The following DCHS2 variants were observed in gnomAD, a reference collection of about 807,000 sequenced individuals.
The protein encoded by DCHS2 is protocadherin-23.
A neutral mutation model predicts 182.4 loss-of-function variants in DCHS2; 142 were observed. The observed-to-expected ratio is 0.78, with a 90% CI of 0.68 to 0.89. DCHS2 has a LOEUF of 0.89. Ranked by LOEUF, DCHS2 falls within the 40% of genes least tolerant of loss-of-function variation. The probability of loss-of-function intolerance (pLI) is 0.00; values close to 1 mark genes in which losing one functional copy is unlikely to be tolerated. For missense variants in DCHS2, 4,319 were observed against 4,198.6 expected (o/e 1.03, Z -0.79); for synonymous variants, 1,740 against 1,663.3 (o/e 1.05, Z -1.12).
intron 14 of DCHS2, among the ~76,000 whole-genome samples, chr4:154,263,940 A>C (rs1377787203): frequency 2.6e-5 from 4 of 152,166 alleles, no homozygotes; most frequent in Non-Finnish European, 5.9e-5. Context: ...TTGGCCAAAA[A>C]ACCACCAGAA....
At chr4:154,366,865 A>T (rs1183746554) in intron 2 of DCHS2, among the ~76,000 whole-genome samples, 1 of 152,188 alleles carries the variant, frequency 6.6e-6, no homozygotes, top group Non-Finnish European at 1.5e-5. Flanking sequence ...AGAAATCAAA[A>T]TCACTTTTAT....
rs1728721527 is a variant in DCHS2 at position 154,489,661 on chromosome 4, A to C, written c.1695T>G (p.Asp565Glu). 3 of 1,551,526 alleles carry C rather than the reference A, an allele frequency of 1.9e-6. No individual in the cohort carries two copies. The change falls in exon 1 of 20, where the codon GAT becomes GAG. Residue 565 changes from aspartate (D) to glutamate (E), a missense_variant. Asp to Glu is a conservative substitution (Grantham distance 45). Transcript: ENST00000357232. ...CGTGATCACTGCCTGCCTCGTCGGC[A>C]TCGGAGGCGCTGACCCACATGACTA... is the stretch of plus-strand genomic sequence containing the variant. ...GTVVMWVSASDADEAGSDHAW... is the reference protein window; with the variant it reads ...GTVVMWVSASEADEAGSDHAW...
chr4:154,340,774 T>C (rs1415025128), intron 3 of DCHS2, among the ~76,000 whole-genome samples: 1 of 152,232 alleles, frequency 6.6e-6, no homozygotes, highest in African/African-American at 2.4e-5. Flanking sequence ...ACATCAATTA[T>C]AGAGAGTTAT....
chr4:154,268,895 A>G (rs771087432), intron 14 of DCHS2, among the ~76,000 whole-genome samples: 30 of 152,162 alleles, frequency 2.0e-4, no homozygotes, highest in Non-Finnish European at 1.5e-5. Context: ...CCATGTTAGG[A>G]GTGCGGTGGC....
At chr4:154,251,694 C>CTT (rs1390192166) in intron 16 of DCHS2, among the ~76,000 whole-genome samples, 1 of 151,938 alleles carries the variant, frequency 6.6e-6, no homozygotes, top group Non-Finnish European at 1.5e-5. Context: ...AATTTTTGAA[C>CTT]TTTTAGTTGA....
Position 154,491,578 on chromosome 4 carries a change from C to G in DCHS2, c.-223G>C. 7.4e-7 allele frequency: 1 copy of G among 1,346,312 alleles called. No individual in the cohort carries two copies. Among genetic ancestry groups the G allele is most frequent in the Admixed American group, 3.6e-5 (1 of 28,058 alleles). The allele number at this position is 1,346,312 out of a possible 1,614,324, so 83.4% of individuals were successfully genotyped here. A position where few individuals can be genotyped will look rare whatever the true frequency, so the allele number is the denominator to read the frequency against. On this transcript the variant is annotated 5_prime_UTR_variant, in exon 1 of 20. Transcript: ENST00000357232. ...GGGAAGTAAGCTCTAGCTGCCTCTG[C>G]CGCGGCAGCCACCTCTTCTGCCCCT...
chr4:154,427,412 G>C (rs879576778), intron 1 of DCHS2, among the ~76,000 whole-genome samples: 3 of 152,216 alleles, frequency 2.0e-5, no homozygotes, highest in Non-Finnish European at 4.4e-5. Context: ...TAAGAGAAGA[G>C]CTGTTCTGTA....
chr4:154,285,879 C>G (rs555338637), intron 13 of DCHS2, among the ~76,000 whole-genome samples: 2 of 152,212 alleles, frequency 1.3e-5, no homozygotes, highest in African/African-American at 4.8e-5. Flanking sequence ...GTGAACATAG[C>G]TGGTAGCAAG....
chr4:154,337,971 C>T (rs1277525349), intron 3 of DCHS2, among the ~76,000 whole-genome samples: 9 of 152,176 alleles, frequency 5.9e-5, no homozygotes, highest in South Asian at 4.2e-4. Flanking sequence ...GAACTCCTGA[C>T]GTGATTTGCC....
At chr4:154,322,138 G>C (rs1332793017) in intron 8 of DCHS2, among the ~76,000 whole-genome samples, 193 bp downstream of exon 8, 3 of 152,152 alleles carry the variant, frequency 2.0e-5, no homozygotes, top group Non-Finnish European at 4.4e-5. Context: ...AAAATAATTT[G>C]GGTCTAAATC....
At chr4:154,335,478 G>C (rs763369317) in intron 3 of DCHS2, among the ~76,000 whole-genome samples, 1 of 152,180 alleles carries the variant, frequency 6.6e-6, no homozygotes, top group Non-Finnish European at 1.5e-5. Context: ...GCTCTTCCTA[G>C]GTCTCGAGCC....
At chr4:154,483,234 A>AG (rs1320270176) in intron 1 of DCHS2, among the ~76,000 whole-genome samples, 2 of 152,236 alleles carry the variant, frequency 1.3e-5, no homozygotes, top group African/African-American at 4.8e-5. Flanking sequence ...TAAAGCAAGG[A>AG]GGGGGGTGAT....
At chr4:154,353,069 A>G (rs1729693800) in intron 3 of DCHS2, among the ~76,000 whole-genome samples, 1 of 152,240 alleles carries the variant, frequency 6.6e-6, no homozygotes, top group Non-Finnish European at 1.5e-5. Context: ...ATTTCCTTTG[A>G]GAATTCCTAA....
At chr4:154,238,647 C>T (rs899657062) in intron 19 of DCHS2, among the ~76,000 whole-genome samples, 1 of 152,150 alleles carries the variant, frequency 6.6e-6, no homozygotes, top group Non-Finnish European at 1.5e-5. Context: ...ATCAAATAAA[C>T]CAAAACACCA....
At chr4:154,478,292 G>A (rs1467594305) in intron 1 of DCHS2, among the ~76,000 whole-genome samples, 5 of 152,096 alleles carry the variant, frequency 3.3e-5, no homozygotes, top group African/African-American at 7.2e-5. Context: ...AGAATACAGC[G>A]GGAGTTCTGC....
chr4:154,445,864 G>A lies in DCHS2; in HGVS notation c.2052+43440C>T, dbSNP rs554377405. 5.3e-5 allele frequency among the ~76,000 whole-genome samples: 8 copies of A among 150,260 alleles called. No individual in the cohort carries two copies. In the South Asian group the frequency reaches 8.4e-4, roughly 16 times the overall value. ...GTATAGGCCACCTGCCCTTCTGGTC[G>A]AGCCACCAACATCCCTCGAGTAGAA... On this transcript the variant is annotated intron_variant, in intron 1 of 19. Coordinates refer to ENST00000357232, the MANE Select transcript of DCHS2 (RefSeq NM_001358235.2).
chr4:154,315,644 C>T, intron 10 of DCHS2, 104 bp downstream of exon 10: 1 of 1,489,884 alleles, frequency 6.7e-7, no homozygotes, highest in South Asian at 1.4e-5. Context: ...AGATAACTAG[C>T]AACTGTTCAT....
intron 1 of DCHS2, among the ~76,000 whole-genome samples, chr4:154,413,206 C>T (rs906654038): frequency 1.3e-5 from 2 of 152,128 alleles, no homozygotes; most frequent in South Asian, 2.1e-4. Flanking sequence ...CTTCCTTCTT[C>T]CTTTCCAACT....
At chr4:154,479,097 A>G (rs1735811305) in intron 1 of DCHS2, among the ~76,000 whole-genome samples, 1 of 152,196 alleles carries the variant, frequency 6.6e-6, no homozygotes, top group South Asian at 2.1e-4. Context: ...GTAATGAATG[A>G]AAAGATAGAT....
Sources: gnomAD v4.1 joint callset for allele counts (sites outside exome capture counted in the v4.1 genomes callset) on GRCh38, gnomAD v4.1.1 for gene constraint, MANE v1.5 for transcripts, NCBI Gene and HGNC (gene_info 2026-07-23, HGNC 2026-07-21) for gene names.